Variants in DCHS2 observed in about 807,000 individuals in gnomAD.
DCHS2 encodes dachsous cadherin-related 2.
Under a neutral mutation model 182.4 loss-of-function variants are expected in DCHS2, and 142 were observed. The ratio of observed to expected loss-of-function variants is 0.78; its 90% CI spans 0.68 to 0.89. DCHS2 has a LOEUF of 0.89. Ranked by LOEUF, DCHS2 falls within the 40% of genes least tolerant of loss-of-function variation. The probability of loss-of-function intolerance (pLI) is 0.00; values close to 1 mark genes in which losing one functional copy is unlikely to be tolerated. For synonymous variants in DCHS2, 1,740 were observed against 1,663.3 expected (o/e 1.05, Z -1.12); for missense variants, 4,319 against 4,198.6 (o/e 1.03, Z -0.79).
At position 154,234,586 on chromosome 4, in the gene DCHS2, T is replaced by A; in HGVS notation, c.10066A>T (p.Ile3356Phe). The change falls in exon 20 of 20, where the codon ATC (isoleucine) becomes TTC (phenylalanine). Residue 3356 changes from isoleucine (I) to phenylalanine (F), a missense_variant. Physicochemically the swap from Ile to Phe is conservative, Grantham distance 21. Coordinates refer to ENST00000357232, the MANE Select transcript of DCHS2 (RefSeq NM_001358235.2). ...LREGELLGTH[I>F]SGTCHELKAE... ...TTAAGTTCATGGCATGTACCACTGA[T>A]GTGTGTTCCTAATAATTCTCCTTCT... 6.2e-7 allele frequency: 1 copy of A among 1,613,934 alleles called. No homozygotes were observed.
intron 7 of DCHS2, among the ~76,000 whole-genome samples, chr4:154,325,745 T>C (rs1736256887): frequency 6.6e-6 from 1 of 152,112 alleles, no homozygotes; most frequent in Non-Finnish European, 1.5e-5. Context: ...GGAAGACATT[T>C]ATAGGTAAAT....
At chr4:154,388,374 C>T (rs1731512018) in intron 1 of DCHS2, among the ~76,000 whole-genome samples, 1 of 150,736 alleles carries the variant, frequency 6.6e-6, no homozygotes, top group African/African-American at 2.4e-5. Flanking sequence ...CAAAAAAATT[C>T]AGTGTATACA....
chr4:154,472,617 CTA>C (rs1331691920), intron 1 of DCHS2, among the ~76,000 whole-genome samples: 3 of 152,204 alleles, frequency 2.0e-5, no homozygotes, highest in African/African-American at 7.2e-5. Flanking sequence ...ACCAAAACGT[CTA>C]CAATTAAGTT....
chr4:154,399,489 C>G (rs571276145), intron 1 of DCHS2, among the ~76,000 whole-genome samples: 1 of 152,164 alleles, frequency 6.6e-6, no homozygotes, highest in Non-Finnish European at 1.5e-5. Flanking sequence ...TGATTCAGAA[C>G]TACAGAACTA....
intron 1 of DCHS2, among the ~76,000 whole-genome samples, chr4:154,468,317 A>G (rs1035083365): frequency 2.6e-5 from 4 of 152,168 alleles, no homozygotes; most frequent in African/African-American, 9.6e-5. Context: ...ACAATCATAT[A>G]TGATTACACA....
At chr4:154,344,091 C>A (rs1207137196) in intron 3 of DCHS2, among the ~76,000 whole-genome samples, 1 of 152,254 alleles carries the variant, frequency 6.6e-6, no homozygotes, top group East Asian at 1.9e-4. Flanking sequence ...GCAATCAGAG[C>A]ACACACAACA....
chr4:154,479,734 A>C (rs2111034168), intron 1 of DCHS2, among the ~76,000 whole-genome samples: 1 of 152,316 alleles, frequency 6.6e-6, no homozygotes, highest in South Asian at 2.1e-4. Context: ...ATATATGTAG[A>C]AACTATATGT....
intron 12 of DCHS2, among the ~76,000 whole-genome samples, chr4:154,302,330 C>A (rs1034215142): frequency 6.6e-6 from 1 of 152,206 alleles, no homozygotes; most frequent in East Asian, 1.9e-4. Flanking sequence ...CAGCGCCTTG[C>A]GCTCCCTGTG....
In DCHS2 at chr4:154,297,945, C is replaced by T. The variant is rs756175929; in HGVS notation, c.6369G>A (p.Thr2123=). Reference sequence around the variant, plus strand: ...CTTCCATGTGAATGACCAAGAGACCCGTGGTTGTCCTGGCTGGAATGCCCT... The same window carrying T: ...CTTCCATGTGAATGACCAAGAGACCTGTGGTTGTCCTGGCTGGAATGCCCT... The part of the protein sequence containing the change: ...TDQGIPARTT[T]GLLVIHMEGE... The change falls in exon 13 of 20, where the codon ACG becomes ACA. Residue 2123 remains threonine (T), a synonymous_variant. Transcript: ENST00000357232. 7.4e-6 allele frequency: 12 copies of T among 1,613,944 alleles called. No individual in the cohort carries two copies. The highest frequency in any genetic ancestry group is 2.2e-5 in the East Asian group (1 of 44,876).
intron 1 of DCHS2, among the ~76,000 whole-genome samples, chr4:154,437,603 A>G (rs1436510781): frequency 1.3e-5 from 2 of 152,146 alleles, no homozygotes; most frequent in African/African-American, 4.8e-5. Context: ...TATACAACCA[A>G]TTTGTGCTAT....
intron 12 of DCHS2, among the ~76,000 whole-genome samples, chr4:154,303,772 G>A (rs1255203402): frequency 6.6e-6 from 1 of 152,130 alleles, no homozygotes; most frequent in Non-Finnish European, 1.5e-5. Flanking sequence ...CACCTTCACC[G>A]CATTTTGACC....
intron 14 of DCHS2, among the ~76,000 whole-genome samples, chr4:154,268,389 G>C (rs890581431): frequency 3.3e-5 from 5 of 152,190 alleles, no homozygotes; most frequent in African/African-American, 1.2e-4. Flanking sequence ...TGAGAATTGA[G>C]ACAGCTACTG....
Position 154,490,354 on chromosome 4 carries a change from G to T in DCHS2, c.1002C>A (p.Ser334Arg). The stretch of plus-strand genomic sequence containing the variant: ...CCCCAGGCACTTGCCGGGCGCGGAC[G>T]CTGTAGCGCACGAAGCCATTGGGCC... Reference protein sequence around the residue: ...DLGPNGFVRYSVRARQVPGAG... With the variant: ...DLGPNGFVRYRVRARQVPGAG... The change falls in exon 1 of 20, where the codon AGC becomes AGA. Residue 334 changes from serine to arginine, a missense_variant. Physicochemically the swap from Ser to Arg is moderately radical, Grantham distance 110. Coordinates refer to ENST00000357232, the MANE Select transcript of DCHS2 (RefSeq NM_001358235.2). The T allele has an allele frequency of 1.3e-6, 2 of 1,539,178 alleles. No homozygotes were observed. The highest frequency in any genetic ancestry group is 1.7e-6 in the Non-Finnish European group (2 of 1,145,522).
chr4:154,296,900 G>A (rs1007019954), intron 13 of DCHS2, among the ~76,000 whole-genome samples: 2 of 152,084 alleles, frequency 1.3e-5, no homozygotes, highest in Non-Finnish European at 2.9e-5. Flanking sequence ...AAATAACGCT[G>A]GCAGCTATAA....
rs1735841604 is a variant in DCHS2, at chr4:154,315,986, G to A, written c.5022C>T (p.Gly1674=). The A allele has an allele frequency of 1.9e-6, 3 of 1,613,010 alleles. No homozygotes were observed. In the East Asian group the frequency reaches 6.7e-5, roughly 36 times the overall value. The change falls in exon 10 of 20, where the codon GGC becomes GGT. Residue 1674 remains glycine, a splice_region_variant and synonymous_variant. Transcript: ENST00000357232. ...CCAAAGGACAGGTTGTGGTTAGTAA[G>A]CCTGTTTTGAAAATGGAAGAAAAGC... ...NMTFMLDESS[G]LLTTTCPLDY...
rs1428176542 is a variant in DCHS2 at position 154,429,679 on chromosome 4, C to A, written c.2053-52235G>T. 2.0e-5 allele frequency among the ~76,000 whole-genome samples: 3 copies of A among 151,340 alleles called. No individual in the cohort carries two copies. In the East Asian group the frequency reaches 5.9e-4, roughly 30 times the overall value. On this transcript the variant is annotated intron_variant, in intron 1 of 19. Transcript: ENST00000357232. ...TCAATTTTTTAAAGTTACCCAATAT[C>A]CTTCCCATAAGTTTTTTTTTTTCTA...
intron 1 of DCHS2, among the ~76,000 whole-genome samples, chr4:154,409,776 C>T (rs1732546508): frequency 1.3e-5 from 2 of 152,092 alleles, no homozygotes; most frequent in South Asian, 4.2e-4. Context: ...ACTAAGATTA[C>T]CCATTATAGG....
At chr4:154,310,722 C>T (rs548557323) in intron 10 of DCHS2, among the ~76,000 whole-genome samples, 2 of 152,284 alleles carry the variant, frequency 1.3e-5, no homozygotes, top group African/African-American at 4.8e-5. Context: ...TATCAGAACT[C>T]ATTGGCTTTC....
chr4:154,399,543 G>C (rs1732070602), intron 1 of DCHS2, among the ~76,000 whole-genome samples: 1 of 152,188 alleles, frequency 6.6e-6, no homozygotes, highest in African/African-American at 2.4e-5. Context: ...CTAAAAACAG[G>C]AAAGTGGGAA....
Sources: gnomAD v4.1 joint callset for allele counts (sites outside exome capture counted in the v4.1 genomes callset) on GRCh38, gnomAD v4.1.1 for gene constraint, MANE v1.5 for transcripts, NCBI Gene and HGNC (gene_info 2026-07-23, HGNC 2026-07-21) for gene names.